The following RAB3GAP1 variants were observed in gnomAD, a reference collection of about 807,000 sequenced individuals.
RAB3GAP1 encodes the protein RAB3 GTPase activating protein catalytic subunit 1.
A neutral mutation model predicts 130.7 loss-of-function variants in RAB3GAP1; 86 were observed. The observed-to-expected ratio is 0.66, with a 90% CI of 0.55 to 0.79. The LOEUF is 0.79. Ranked by LOEUF, RAB3GAP1 falls within the 30% of genes least tolerant of loss-of-function variation. The pLI, the probability that RAB3GAP1 is intolerant of heterozygous loss-of-function variation, is 0.00. For synonymous variants in RAB3GAP1, 367 were observed against 401.7 expected, an observed-to-expected ratio of 0.91 and a Z score of 1.03; for missense variants, 1,029 against 1,169.4, an observed-to-expected ratio of 0.88 and a Z score of 1.75.
chr2:135,135,890 A>G lies in RAB3GAP1; in HGVS notation c.1881A>G (p.Thr627=). 6.2e-7 allele frequency: 1 copy of G among 1,614,088 alleles called. No homozygotes were observed. The highest frequency in any genetic ancestry group is 8.5e-7 in the Non-Finnish European group (1 of 1,179,896). The change falls in exon 17 of 24, where the codon ACA becomes ACG. Residue 627 remains threonine (T), a synonymous_variant. Transcript: ENST00000264158. ...GGCTCTATCAGCATGGGAAACTTACACTGCTGCATAATGGAGAACCTCTCT... is the reference window on the plus strand; with the variant it reads ...GGCTCTATCAGCATGGGAAACTTACGCTGCTGCATAATGGAGAACCTCTCT... ...EGRLYQHGKL[T]LLHNGEPLYI...
intron 3 of RAB3GAP1, among the ~76,000 whole-genome samples, chr2:135,071,222 T>A (rs1463307916): frequency 6.6e-6 from 1 of 152,218 alleles, no homozygotes; most frequent in Non-Finnish European, 1.5e-5. Context: ...CTCATTTTAC[T>A]GGCCCTTAAA....
chr2:135,065,581 A>G (rs1241602993), intron 3 of RAB3GAP1, among the ~76,000 whole-genome samples: 1 of 152,154 alleles, frequency 6.6e-6, no homozygotes, highest in South Asian at 2.1e-4. Flanking sequence ...CATTATTTGT[A>G]ATGAATTAAT....
At chr2:135,079,912 G>A (rs1689741199) in intron 3 of RAB3GAP1, among the ~76,000 whole-genome samples, 1 of 152,014 alleles carries the variant, frequency 6.6e-6, no homozygotes. Flanking sequence ...GGCGGATCAC[G>A]AGGTCAGGAG....
intron 3 of RAB3GAP1, chr2:135,058,976 T>C (rs1000663009): frequency 1.1e-4 from 16 of 152,062 alleles, no homozygotes; most frequent in Non-Finnish European, 2.2e-4. Context: ...GTTTTCAGCT[T>C]TGTGATGGTG....
chr2:135,117,672 T>G (rs1266263366), intron 7 of RAB3GAP1, among the ~76,000 whole-genome samples: 2 of 138,020 alleles, frequency 1.4e-5, no homozygotes, highest in East Asian at 2.2e-4. Context: ...TGCTTCTGCT[T>G]CTTCTGCTTC....
intron 17 of RAB3GAP1, among the ~76,000 whole-genome samples, chr2:135,147,624 CT>C (rs56769626): frequency 2.0e-4 from 28 of 142,660 alleles, no homozygotes; most frequent in South Asian, 2.4e-4. Context: ...CTCCCCCCCC[CT>C]TTTTTTTTTG....
At chr2:135,068,076 A>G (rs1162742241) in intron 3 of RAB3GAP1, among the ~76,000 whole-genome samples, 1 of 152,188 alleles carries the variant, frequency 6.6e-6, no homozygotes, top group African/African-American at 2.4e-5. Flanking sequence ...GTAAAATGAT[A>G]CTTGCTTAAG....
chr2:135,154,482 G>T (rs1016093905), intron 19 of RAB3GAP1, among the ~76,000 whole-genome samples: 3 of 152,104 alleles, frequency 2.0e-5, no homozygotes, highest in Non-Finnish European at 4.4e-5. Context: ...ATTACTAAGA[G>T]ATAGAAATTG....
chr2:135,128,127 T>C lies in RAB3GAP1; in HGVS notation c.973+1471T>C, dbSNP rs534295166. On this transcript the variant is annotated intron_variant, in intron 11 of 23. Coordinates refer to ENST00000264158, the MANE Select transcript of RAB3GAP1 (RefSeq NM_012233.3). The stretch of plus-strand genomic sequence containing the variant: ...CTCTTTATCATTCATATGCTATTTG[T>C]CAAATGCTGATTAGTAGCTGCCATT... 7.9e-5 allele frequency among the ~76,000 whole-genome samples: 12 copies of C among 152,358 alleles called. No individual in the cohort carries two copies. In the South Asian group the frequency reaches 2.5e-3, roughly 32 times the overall value.
chr2:135,130,471 T>C, intron 12 of RAB3GAP1, 81 bp from the exon 13 acceptor site: 6 of 1,172,034 alleles, frequency 5.1e-6, no homozygotes, highest in Non-Finnish European at 7.5e-6. Context: ...TAAAATATTC[T>C]ATATAATCAT....
chr2:135,137,461 C>G (rs1419463739), intron 17 of RAB3GAP1: 1 of 153,524 alleles, frequency 6.5e-6, no homozygotes, highest in Non-Finnish European at 1.4e-5. Flanking sequence ...ATGACAGAAG[C>G]CAAAATAAAA....
chr2:135,157,098 C>T (rs1237153852), intron 19 of RAB3GAP1, among the ~76,000 whole-genome samples: 3 of 152,170 alleles, frequency 2.0e-5, no homozygotes, highest in African/African-American at 7.2e-5. Flanking sequence ...AGATAGCCCT[C>T]AAACTCCTAG....
intron 2 of RAB3GAP1, among the ~76,000 whole-genome samples, chr2:135,057,275 A>G (rs1050240026): frequency 1.3e-5 from 2 of 152,118 alleles, no homozygotes; most frequent in Non-Finnish European, 2.9e-5. Context: ...AAGTTACCAA[A>G]TAATATTTTC....
intron 5 of RAB3GAP1, among the ~76,000 whole-genome samples, chr2:135,105,615 C>T (rs1457414360): frequency 6.6e-6 from 1 of 152,154 alleles, no homozygotes; most frequent in African/African-American, 2.4e-5. Context: ...GCCTTGGCCT[C>T]CCAAAGTGCT....
chr2:135,130,129 C>T (rs1233801003), intron 12 of RAB3GAP1, 42 bp downstream of exon 12: 1 of 1,451,060 alleles, frequency 6.9e-7, no homozygotes, highest in Admixed American at 1.7e-5. Flanking sequence ...AAATGTCTTA[C>T]TGTTTTTCCT....
intron 17 of RAB3GAP1, among the ~76,000 whole-genome samples, chr2:135,149,019 G>C (rs1692089301): frequency 6.6e-6 from 1 of 152,142 alleles, no homozygotes; most frequent in African/African-American, 2.4e-5. Context: ...TTCAGAAACA[G>C]TATATGTGAA....
chr2:135,121,038 C>A lies in RAB3GAP1; in HGVS notation c.748+120C>A, dbSNP rs1691183864. ...TTTTACATTAGAAATATTTGTGATT[C>A]ATTTTAAATGTAATATTATTGCTTT... is the stretch of plus-strand genomic sequence containing the variant. On this transcript the variant is annotated intron_variant, in intron 8 of 23. Transcript: ENST00000264158. 7 of 813,328 alleles carry A rather than the reference C, an allele frequency of 8.6e-6. No homozygotes were observed. The South Asian group carries it at 1.0e-4, about 12-fold the overall frequency. 50.4% of individuals were successfully genotyped at this position (813,328 alleles called of 1,614,324 possible). A position where few individuals can be genotyped will look rare whatever the true frequency, so the allele number is the denominator to read the frequency against.
intron 17 of RAB3GAP1, among the ~76,000 whole-genome samples, chr2:135,149,124 G>A (rs1692091463): frequency 6.6e-6 from 1 of 152,132 alleles, no homozygotes; most frequent in Admixed American, 6.5e-5. Context: ...GGGAGAGATA[G>A]TCAGTGTCCT....
intron 19 of RAB3GAP1, among the ~76,000 whole-genome samples, chr2:135,160,358 TG>T (rs1378595678): frequency 6.6e-6 from 1 of 152,018 alleles, no homozygotes; most frequent in Non-Finnish European, 1.5e-5. Context: ...TTGTAGTGGT[TG>T]AGGGAAAGGG....
Sources: gnomAD v4.1 joint callset for allele counts (sites outside exome capture counted in the v4.1 genomes callset) on GRCh38, gnomAD v4.1.1 for gene constraint, MANE v1.5 for transcripts, NCBI Gene and HGNC (gene_info 2026-07-23, HGNC 2026-07-21) for gene names.